Variants in BCAT1 observed in about 807,000 individuals in gnomAD.
The protein encoded by BCAT1 is branched chain amino acid transaminase 1.
In BCAT1, 48 loss-of-function variants were observed where a neutral mutation model predicts 52.4. That is an observed-to-expected ratio of 0.92 (90% CI 0.73 to 1.16). BCAT1 has a LOEUF of 1.16. BCAT1 is among the 50% of genes most tolerant of loss of function. The pLI is 0.00. For synonymous variants in BCAT1, 167 were observed against 161.3 expected (o/e 1.04, Z -0.27); for missense variants, 451 against 457.1 (o/e 0.99, Z 0.12).
chr12:24,928,603 C>A (rs977333824), intron 1 of BCAT1, among the ~76,000 whole-genome samples: 4 of 147,950 alleles, frequency 2.7e-5, no homozygotes, highest in Admixed American at 6.8e-5. Context: ...TTGTGCCATG[C>A]CAGCCTGCAA....
chr12:24,937,427 G>A (rs1157117999), intron 1 of BCAT1, among the ~76,000 whole-genome samples: 1 of 152,184 alleles, frequency 6.6e-6, no homozygotes, highest in African/African-American at 2.4e-5. Context: ...AGCATGGTGG[G>A]GACTTTAGCT....
At chr12:24,865,668 A>G (rs1182768656) in intron 5 of BCAT1, among the ~76,000 whole-genome samples, 1 of 152,148 alleles carries the variant, frequency 6.6e-6, no homozygotes, top group Non-Finnish European at 1.5e-5. Flanking sequence ...AAAATATAGA[A>G]TATAATATAT....
At chr12:24,867,335 ATCT>A (rs1206464628) in intron 5 of BCAT1, among the ~76,000 whole-genome samples, 2 of 121,446 alleles carry the variant, frequency 1.6e-5, no homozygotes, top group Non-Finnish European at 3.3e-5. Context: ...ACTCGAAAAT[ATCT>A]TTTTTTTTTT....
Position 24,869,981 on chromosome 12 carries a change from G to GGT in BCAT1, c.510+8547_510+8548dup, listed in dbSNP as rs753844015. Among the ~76,000 whole-genome samples, 441 of 148,920 alleles carry GGT rather than the reference G, an allele frequency of 3.0e-3. 3 individuals are homozygous for GGT. The highest frequency in any genetic ancestry group is 4.5e-3 in the South Asian group (21 of 4,650). ...GAGATAATGTACAAACACATGTAAG[G>GGT]GTGTGTGTGTGTGTGTGTATATATG... On this transcript the variant is annotated intron_variant, in intron 5 of 10. Coordinates refer to ENST00000261192, the MANE Select transcript of BCAT1 (RefSeq NM_005504.7).
At chr12:24,899,427 T>C (rs1943036284) in intron 2 of BCAT1, among the ~76,000 whole-genome samples, 1 of 152,128 alleles carries the variant, frequency 6.6e-6, no homozygotes, top group Non-Finnish European at 1.5e-5. Context: ...TATACACTGT[T>C]GGTAAGAATG....
chr12:24,814,595 C>T lies in BCAT1; in HGVS notation c.*3413G>A, dbSNP rs549363809. On this transcript the variant is annotated 3_prime_UTR_variant, in exon 11 of 11. Transcript: ENST00000261192. The stretch of plus-strand genomic sequence containing the variant: ...CTAAGATATACTCATTAATTGCCTC[C>T]AAGTGTTCAAGACTGCTTGGATTTG... The T allele has an allele frequency of 6.6e-6, 1 of 152,146 alleles. No individual in the cohort carries two copies. Among genetic ancestry groups the T allele is most frequent in the Non-Finnish European group, 1.5e-5 (1 of 67,984 alleles). The allele number at this position is 152,146 out of a possible 1,614,324, so 9.4% of individuals were successfully genotyped here.
chr12:24,908,764 A>C (rs947349218), intron 1 of BCAT1, among the ~76,000 whole-genome samples: 2 of 152,100 alleles, frequency 1.3e-5, no homozygotes, highest in Non-Finnish European at 2.9e-5. Flanking sequence ...AACATTAAAA[A>C]TTTTTTCAAA....
At chr12:24,943,808 C>G (rs899124777) in intron 1 of BCAT1, among the ~76,000 whole-genome samples, 3 of 151,940 alleles carry the variant, frequency 2.0e-5, no homozygotes, top group South Asian at 2.1e-4. Context: ...CATGGTGAAA[C>G]CCCGTCTCTA....
intron 6 of BCAT1, among the ~76,000 whole-genome samples, chr12:24,849,106 A>T (rs1340666470): frequency 6.6e-6 from 1 of 152,254 alleles, no homozygotes; most frequent in Non-Finnish European, 1.5e-5. Flanking sequence ...CATGCAAAGC[A>T]AGAACCCATG....
At chr12:24,823,833 C>A (rs1940255425) in intron 10 of BCAT1, among the ~76,000 whole-genome samples, 1 of 152,174 alleles carries the variant, frequency 6.6e-6, no homozygotes, top group South Asian at 2.1e-4. Flanking sequence ...AACCTCTTTT[C>A]TTTACAAACT....
intron 1 of BCAT1, chr12:24,902,887 A>G (rs1307052186): frequency 6.6e-7 from 1 of 1,513,720 alleles, no homozygotes; most frequent in African/African-American, 1.4e-5. Context: ...CAGGCCCGCG[A>G]GCTACCGAGA....
chr12:24,888,737 G>A (rs908679248), intron 3 of BCAT1, among the ~76,000 whole-genome samples: 1 of 152,088 alleles, frequency 6.6e-6, no homozygotes, highest in African/African-American at 2.4e-5. Flanking sequence ...TAATGATACA[G>A]GAGTTAAGAA....
At chr12:24,836,965 G>C (rs532175740) in intron 7 of BCAT1, among the ~76,000 whole-genome samples, 9,994 of 122,228 alleles carry the variant, frequency 0.082, 831 homozygotes, top group Non-Finnish European at 0.12. Flanking sequence ...AAAAGAGAAA[G>C]AAAGAAAGAG....
At position 24,849,867 on chromosome 12, in the gene BCAT1, G is replaced by A. The variant is rs768798204; in HGVS notation, c.593C>T (p.Thr198Ile). ...GGCCCACAGGGACACTGGATTAAAGGTTCCACTTGAAAAATAAGGTCCCAC... is the reference window on the plus strand; with the variant it reads ...GGCCCACAGGGACACTGGATTAAAGATTCCACTTGAAAAATAAGGTCCCAC... ...SPVGPYFSSG[T>I]FNPVSLWANP... Residue 198 changes from threonine to isoleucine, a missense_variant, in exon 6 of 11, where the codon ACC becomes ATC. Transcript: ENST00000261192. 1.2e-5 allele frequency: 19 copies of A among 1,613,692 alleles called. 1 individual carries two copies. In the South Asian group the frequency reaches 2.1e-4, roughly 18 times the overall value.
intron 1 of BCAT1, among the ~76,000 whole-genome samples, chr12:24,925,581 T>G (rs138428612): frequency 7.1e-6 from 1 of 140,068 alleles, no homozygotes; most frequent in Non-Finnish European, 1.6e-5. Context: ...CCCCTCCCCC[T>G]CTCCCTCTCC....
At chr12:24,924,149 A>G (rs1264932812) in intron 1 of BCAT1, among the ~76,000 whole-genome samples, 1 of 152,184 alleles carries the variant, frequency 6.6e-6, no homozygotes, top group Admixed American at 6.5e-5. Context: ...TGAGAAGACC[A>G]TAAATTACCA....
At chr12:24,832,959 C>T (rs1940749383) in intron 8 of BCAT1, 96 bp from the exon 9 acceptor site, 2 of 1,278,734 alleles carry the variant, frequency 1.6e-6, no homozygotes, top group East Asian at 5.1e-5. Context: ...TCTGATTGCA[C>T]TTAGACAAGG....
chr12:24,935,941 A>G (rs1459936004), intron 1 of BCAT1, among the ~76,000 whole-genome samples: 2 of 152,198 alleles, frequency 1.3e-5, no homozygotes, highest in African/African-American at 2.4e-5. Context: ...TGACTTTGAT[A>G]TTCTCTAAAA....
intron 5 of BCAT1, among the ~76,000 whole-genome samples, chr12:24,871,127 GA>G (rs1375145271): frequency 6.9e-6 from 1 of 145,050 alleles, no homozygotes; most frequent in Non-Finnish European, 1.5e-5. Flanking sequence ...ACAGTGATGA[GA>G]ACAGATCAAA....
Sources: allele counts gnomAD v4.1 joint callset (sites outside exome capture counted in the v4.1 genomes callset), GRCh38; gene constraint gnomAD v4.1.1; transcripts MANE v1.5; gene names NCBI Gene and HGNC (gene_info 2026-07-23, HGNC 2026-07-21).